RNLS: variants seen among roughly 807,000 people sequenced by gnomAD.
The protein encoded by RNLS is renalase.
A neutral mutation model predicts 39.8 loss-of-function variants in RNLS; 39 were observed. That is an observed-to-expected ratio of 0.98 (90% CI 0.76 to 1.28). RNLS has a LOEUF of 1.28. Among genes scored for constraint, RNLS ranks in the 50% most tolerant of loss-of-function variants. The probability of loss-of-function intolerance (pLI) is 0.00; values close to 1 mark genes in which losing one functional copy is unlikely to be tolerated. For missense variants in RNLS, 410 were observed against 413.3 expected (o/e 0.99, Z 0.07); for synonymous variants, 147 against 150.7 (o/e 0.98, Z 0.18).
chr10:88,261,716 A>G, the RNLS span, among the ~76,000 whole-genome samples: 1 of 152,192 alleles, frequency 6.6e-6, no homozygotes, highest in Non-Finnish European at 1.5e-5. Flanking sequence ...TATTGTTATG[A>G]TTTACTTCAA....
At chr10:88,178,086 T>C in the RNLS span, among the ~76,000 whole-genome samples, 1 of 152,168 alleles carries the variant, frequency 6.6e-6, no homozygotes, top group Non-Finnish European at 1.5e-5. Flanking sequence ...CCCTGGGTTC[T>C]GTGGGCAGCC....
chr10:88,456,007 A>G (rs192728823), intron 4 of RNLS, among the ~76,000 whole-genome samples: 2 of 152,362 alleles, frequency 1.3e-5, no homozygotes, highest in African/African-American at 4.8e-5. Flanking sequence ...AAGAAGCTGG[A>G]TGAGATGTCA....
chr10:88,256,501 C>T, the RNLS span, among the ~76,000 whole-genome samples: 2 of 152,220 alleles, frequency 1.3e-5, no homozygotes, highest in Non-Finnish European at 2.9e-5. Flanking sequence ...GAAAACCTTC[C>T]GTCTCCATCC....
the RNLS span, among the ~76,000 whole-genome samples, chr10:88,248,521 C>T: frequency 6.6e-6 from 1 of 152,168 alleles, no homozygotes; most frequent in Non-Finnish European, 1.5e-5. Flanking sequence ...GAGGCTGCCC[C>T]TGGACACTCA....
At chr10:88,343,384 C>G (rs1361678998) in intron 5 of RNLS, 1 of 276,904 alleles carries the variant, frequency 3.6e-6, no homozygotes, top group East Asian at 1.7e-4. Context: ...CGGATTTTTG[C>G]CCAAAAAAGC....
the RNLS span, among the ~76,000 whole-genome samples, chr10:88,185,648 C>G: frequency 6.6e-6 from 1 of 151,972 alleles, no homozygotes. Flanking sequence ...GCATTATTTT[C>G]TTTATTAAAC....
chr10:88,359,899 C>A (rs1402627193), intron 5 of RNLS, among the ~76,000 whole-genome samples: 1 of 152,142 alleles, frequency 6.6e-6, no homozygotes, highest in Admixed American at 6.6e-5. Flanking sequence ...TTCCTGTGTG[C>A]CTTTCATAGT....
intron 4 of RNLS, among the ~76,000 whole-genome samples, chr10:88,428,425 C>T (rs1854939243): frequency 6.6e-6 from 1 of 151,954 alleles, no homozygotes. Context: ...CTGTTAACGA[C>T]ACTCTACTTA....
intron 4 of RNLS, among the ~76,000 whole-genome samples, chr10:88,393,383 T>A (rs937720200): frequency 3.3e-5 from 5 of 152,010 alleles, no homozygotes; most frequent in African/African-American, 1.2e-4. Flanking sequence ...TCACAAGCAT[T>A]CTTATACACC....
chr10:88,209,998 A>G, the RNLS span, among the ~76,000 whole-genome samples: 6 of 152,342 alleles, frequency 3.9e-5, no homozygotes, highest in East Asian at 1.9e-4. Flanking sequence ...CTGCCACTCA[A>G]TGTCTGAAGA....
chr10:88,290,988 A>C (rs1470910251), intron 6 of RNLS, among the ~76,000 whole-genome samples: 3 of 152,194 alleles, frequency 2.0e-5, no homozygotes, highest in African/African-American at 7.2e-5. Flanking sequence ...GTTAGTTTAA[A>C]TATCAAGAAG....
chr10:88,564,191 A>G (rs1488425112), intron 4 of RNLS, among the ~76,000 whole-genome samples: 1 of 152,154 alleles, frequency 6.6e-6, no homozygotes, highest in Non-Finnish European at 1.5e-5. Context: ...GCTATCACAC[A>G]GCAACTAGAA....
chr10:88,487,402 T>TA (rs76007383), intron 4 of RNLS, among the ~76,000 whole-genome samples: 43,596 of 151,774 alleles, frequency 0.29, 7,582 homozygotes, highest in East Asian at 0.46. Context: ...AGCAACTGGT[T>TA]AAAAAAATGC....
chr10:88,432,767 G>T (rs376456152), intron 4 of RNLS, among the ~76,000 whole-genome samples: 9 of 152,036 alleles, frequency 5.9e-5, no homozygotes, highest in African/African-American at 1.9e-4. Context: ...TTTTGGAGGG[G>T]CATTCTATGA....
chr10:88,548,261 C>CAAAA (rs869175046), intron 4 of RNLS, among the ~76,000 whole-genome samples: 29 of 32,408 alleles, frequency 8.9e-4, no homozygotes, highest in South Asian at 2.4e-3. Flanking sequence ...GACTCCGTCT[C>CAAAA]AAAAAAAAAA....
rs149656140 is a variant in RNLS, at chr10:88,394,150, A to G, written c.527-31425T>C. 3.6e-3 allele frequency among the ~76,000 whole-genome samples: 553 copies of G among 152,322 alleles called. 3 individuals carry two copies. Among genetic ancestry groups the G allele is most frequent in the African/African-American group, 0.013 (527 of 41,574 alleles). ...GGCATGGGCAAGGACTTTCATGTCT[A>G]AAACACCAAAAGCAATGGCAACAAA... On this transcript the variant is annotated intron_variant, in intron 4 of 6. Transcript: ENST00000331772.
intron 4 of RNLS, among the ~76,000 whole-genome samples, chr10:88,440,396 A>T (rs897518415): frequency 2.0e-5 from 3 of 152,240 alleles, no homozygotes; most frequent in African/African-American, 7.2e-5. Flanking sequence ...TACATATAAA[A>T]TGGTAATCAC....
chr10:88,187,887 A>G, the RNLS span, among the ~76,000 whole-genome samples: 1 of 152,196 alleles, frequency 6.6e-6, no homozygotes, highest in African/African-American at 2.4e-5. Flanking sequence ...ATGCTTTCAC[A>G]TGGGCAATAG....
At position 88,314,525 on chromosome 10, in the gene RNLS, T is replaced by C. The variant is rs376888167; in HGVS notation, c.817A>G (p.Ile273Val). The change falls in exon 6 of 7, where the codon ATT becomes GTT. Residue 273 changes from isoleucine to valine, a missense_variant. Coordinates refer to ENST00000331772, the MANE Select transcript of RNLS (RefSeq NM_001031709.3). ...ATTGGCTGAGGCAAACCCGGCAAAA[T>C]GTTTTCCAGCTGCTGGAAGACTAAC... ...QELVFQQLEN[I>V]LPGLPQPIAT... The C allele has an allele frequency of 5.5e-5, 88 of 1,613,880 alleles. No homozygotes were observed. The highest frequency in any genetic ancestry group is 6.5e-5 in the Non-Finnish European group (77 of 1,179,892).
Sources: gnomAD v4.1 joint callset for allele counts (sites outside exome capture counted in the v4.1 genomes callset) on GRCh38, gnomAD v4.1.1 for gene constraint, MANE v1.5 for transcripts, NCBI Gene and HGNC (gene_info 2026-07-23, HGNC 2026-07-21) for gene names.